The following KIZ variants were observed in gnomAD, a reference collection of about 807,000 sequenced individuals.
KIZ encodes the protein centrosomal protein kizuna.
Under a neutral mutation model 79.6 loss-of-function variants are expected in KIZ, and 68 were observed. The observed-to-expected ratio is 0.85, with a 90% CI of 0.70 to 1.05. The LOEUF is 1.05. Among genes scored for constraint, KIZ ranks in the 50% least tolerant of loss-of-function variants. The pLI, the probability that KIZ is intolerant of heterozygous loss-of-function variation, is 0.00. For synonymous variants in KIZ, 280 were observed against 281.8 expected (o/e 0.99, Z 0.06); for missense variants, 797 against 800.4 (o/e 1.00, Z 0.05).
At chr20:21,217,791 A>G (rs552438964) in intron 9 of KIZ, among the ~76,000 whole-genome samples, 1 of 152,360 alleles carries the variant, frequency 6.6e-6, no homozygotes, top group African/African-American at 2.4e-5. Context: ...TGTGAACATT[A>G]TTAGTGTTCC....
At position 21,163,243 on chromosome 20, in the gene KIZ, C is replaced by A; in HGVS notation, c.1352+84C>A. On this transcript the variant is annotated intron_variant, in intron 6 of 12. Coordinates refer to ENST00000619189, the MANE Select transcript of KIZ (RefSeq NM_018474.6). ...GACCATTCCACTGGGAATGTATTAT[C>A]GAGCACTCAGCCATGAATGTGTAAA... is the stretch of plus-strand genomic sequence containing the variant. 8 of 916,878 alleles carry A rather than the reference C, an allele frequency of 8.7e-6. 1 individual carries two copies. The South Asian group carries it at 1.3e-4, about 15-fold the overall frequency. The allele number at this position is 916,878 out of a possible 1,614,324, so 56.8% of individuals were successfully genotyped here. A position where few individuals can be genotyped will look rare whatever the true frequency, so the allele number is the denominator to read the frequency against.
intron 1 of KIZ, among the ~76,000 whole-genome samples, chr20:21,126,842 T>C (rs543344904): frequency 6.6e-6 from 1 of 152,310 alleles, no homozygotes; most frequent in Admixed American, 6.5e-5. Context: ...TAAGAGTGCA[T>C]ATAGAGAGAA....
At chr20:21,166,620 T>A in intron 6 of KIZ, 1 of 1,048,378 alleles carries the variant, frequency 9.5e-7, no homozygotes, top group Non-Finnish European at 1.4e-6. Flanking sequence ...AAAGAGCTTT[T>A]GTATTTTTTT....
intron 1 of KIZ, among the ~76,000 whole-genome samples, chr20:21,130,477 G>A (rs750876348): frequency 7.2e-5 from 11 of 152,122 alleles, no homozygotes; most frequent in African/African-American, 2.4e-4. Flanking sequence ...GAAACTCTAG[G>A]GGGGGAATGG....
At chr20:21,205,720 T>G (rs1255341791) in intron 7 of KIZ, 136 bp downstream of exon 7, 2 of 508,616 alleles carry the variant, frequency 3.9e-6, no homozygotes, top group Non-Finnish European at 6.9e-6. Context: ...CCCAGCACTT[T>G]TGGATGCTGA....
intron 11 of KIZ, among the ~76,000 whole-genome samples, chr20:21,237,590 C>T (rs147089795): frequency 4.3e-4 from 65 of 152,258 alleles, no homozygotes; most frequent in African/African-American, 1.5e-3. Context: ...GTCATGCCCG[C>T]GTATGACCCA....
At chr20:21,208,159 C>A (rs896655274) in intron 7 of KIZ, among the ~76,000 whole-genome samples, 1 of 152,088 alleles carries the variant, frequency 6.6e-6, no homozygotes, top group African/African-American at 2.4e-5. Flanking sequence ...AAGTGTTGAT[C>A]GACTGTCCTT....
rs73900197 is a variant in KIZ, at chr20:21,144,353, A to G, written c.316-1212A>G. Among the ~76,000 whole-genome samples, 961 of 152,316 alleles carry G rather than the reference A, an allele frequency of 6.3e-3. 4 individuals carry two copies. Among genetic ancestry groups the G allele is most frequent in the African/African-American group, 0.019 (792 of 41,580 alleles). The stretch of plus-strand genomic sequence containing the variant: ...TTCATCCCCCATTTCTTTTTGAGAT[A>G]CTATCCCTTGGAATCTGTAAAGGAT... On this transcript the variant is annotated intron_variant, in intron 3 of 12. Coordinates refer to ENST00000619189, the MANE Select transcript of KIZ (RefSeq NM_018474.6).
chr20:21,210,878 A>G (rs2036039548), intron 7 of KIZ, among the ~76,000 whole-genome samples: 1 of 151,620 alleles, frequency 6.6e-6, no homozygotes, highest in Admixed American at 6.6e-5. Context: ...TTTATTAGCT[A>G]TTTGTATTTC....
At chr20:21,205,763 C>G (rs1292617460) in intron 7 of KIZ, among the ~76,000 whole-genome samples, 179 bp downstream of exon 7, 3 of 151,772 alleles carry the variant, frequency 2.0e-5, no homozygotes, top group African/African-American at 7.3e-5. Context: ...GAGATCGAGA[C>G]CATTCTGGCC....
chr20:21,165,212 G>A (rs2033874447), intron 6 of KIZ, among the ~76,000 whole-genome samples: 2 of 152,318 alleles, frequency 1.3e-5, no homozygotes, highest in Admixed American at 1.3e-4. Context: ...TGGGACAAAG[G>A]AGGACACATA....
intron 6 of KIZ, among the ~76,000 whole-genome samples, chr20:21,171,451 G>T (rs1173221170): frequency 1.3e-5 from 2 of 152,038 alleles, no homozygotes; most frequent in Non-Finnish European, 2.9e-5. Context: ...AATGTATTTT[G>T]TTTGTTTGTT....
In KIZ at chr20:21,162,521, C is replaced by T. The variant is rs779396945; in HGVS notation, c.1042+14C>T. 6.3e-7 allele frequency: 1 copy of T among 1,595,584 alleles called. No individual in the cohort carries two copies. The highest frequency in any genetic ancestry group is 1.3e-5 in the African/African-American group (1 of 74,166). ...AAGGTGTTTCAGGTGGGATGAGAGG[C>T]TGAGTTTGGTTGCTGATTTTTCTGG... On this transcript the variant is annotated intron_variant, in intron 5 of 12. Coordinates refer to ENST00000619189, the MANE Select transcript of KIZ (RefSeq NM_018474.6).
chr20:21,126,358 A>G (rs2031469040), intron 1 of KIZ, among the ~76,000 whole-genome samples, 154 bp downstream of exon 1: 1 of 151,908 alleles, frequency 6.6e-6, no homozygotes, highest in Non-Finnish European at 1.5e-5. Context: ...CCTGGAGGAC[A>G]GTGTTTACTA....
At chr20:21,186,624 A>G (rs2122979647) in intron 6 of KIZ, among the ~76,000 whole-genome samples, 1 of 150,592 alleles carries the variant, frequency 6.6e-6, no homozygotes, top group East Asian at 1.9e-4. Flanking sequence ...AATTTTGGGA[A>G]GGTTCTCAAA....
At chr20:21,190,857 C>T (rs2035076992) in intron 6 of KIZ, among the ~76,000 whole-genome samples, 2 of 152,114 alleles carry the variant, frequency 1.3e-5, no homozygotes, top group Admixed American at 6.6e-5. Flanking sequence ...TTTAGAATTG[C>T]CCTGTCAATA....
intron 6 of KIZ, among the ~76,000 whole-genome samples, chr20:21,189,301 C>A (rs955577658): frequency 1.3e-5 from 2 of 152,092 alleles, no homozygotes; most frequent in East Asian, 1.9e-4. Flanking sequence ...AAAAACAGAA[C>A]CCCTATTCGG....
chr20:21,238,327 A>G (rs2037094379), intron 11 of KIZ, among the ~76,000 whole-genome samples: 1 of 134,530 alleles, frequency 7.4e-6, no homozygotes. Flanking sequence ...TTATCTGCAT[A>G]AGGGTGTGAG....
At chr20:21,200,852 C>A (rs1216845483) in intron 6 of KIZ, among the ~76,000 whole-genome samples, 1 of 152,130 alleles carries the variant, frequency 6.6e-6, no homozygotes, top group African/African-American at 2.4e-5. Flanking sequence ...ACAAACCACG[C>A]TTGTCATCAT....
Sources: allele counts gnomAD v4.1 joint callset (sites outside exome capture counted in the v4.1 genomes callset), GRCh38; gene constraint gnomAD v4.1.1; transcripts MANE v1.5; gene names NCBI Gene and HGNC (gene_info 2026-07-23, HGNC 2026-07-21).